The following CNTN4 variants were observed in gnomAD, a reference collection of about 807,000 sequenced individuals.
CNTN4 encodes contactin 4.
Under a neutral mutation model 122.5 loss-of-function variants are expected in CNTN4, and 77 were observed. That is an observed-to-expected ratio of 0.63 (90% CI 0.52 to 0.76). The LOEUF (loss-of-function observed/expected upper bound fraction) is 0.76, where lower values mean the gene tolerates loss of function less well. Ranked by LOEUF, CNTN4 falls within the 30% of genes least tolerant of loss-of-function variation. The pLI, the probability that CNTN4 is intolerant of heterozygous loss-of-function variation, is 0.00. For missense variants in CNTN4, 1,256 were observed against 1,259.1 expected, an observed-to-expected ratio of 1.00 and a Z score of 0.04; for synonymous variants, 512 against 447.0, an observed-to-expected ratio of 1.15 and a Z score of -1.83.
At chr3:2,760,095 A>T (rs1013484945) in intron 6 of CNTN4, among the ~76,000 whole-genome samples, 1 of 152,318 alleles carries the variant, frequency 6.6e-6, no homozygotes, top group South Asian at 2.1e-4. Flanking sequence ...TGTCAAATAT[A>T]CGATTTGTAA....
At chr3:2,688,903 AC>A (rs1263028358) in intron 4 of CNTN4, among the ~76,000 whole-genome samples, 2 of 151,966 alleles carry the variant, frequency 1.3e-5, no homozygotes, top group Non-Finnish European at 2.9e-5. Flanking sequence ...CAATCTAGGA[AC>A]CATTAAGCTA....
chr3:3,002,223 A>G (rs1696122562), intron 14 of CNTN4, among the ~76,000 whole-genome samples: 1 of 152,150 alleles, frequency 6.6e-6, no homozygotes, highest in Non-Finnish European at 1.5e-5. Flanking sequence ...TTGAATGACA[A>G]AATTTGTGCT....
At chr3:2,171,127 A>G (rs1181725213) in intron 2 of CNTN4, among the ~76,000 whole-genome samples, 1 of 152,214 alleles carries the variant, frequency 6.6e-6, no homozygotes, top group Non-Finnish European at 1.5e-5. Flanking sequence ...TATAAACACA[A>G]AGTCATATAT....
chr3:2,760,682 A>G (rs779061995), intron 6 of CNTN4, among the ~76,000 whole-genome samples: 4 of 152,204 alleles, frequency 2.6e-5, no homozygotes, highest in Non-Finnish European at 4.4e-5. Flanking sequence ...TATGGACTCT[A>G]TCCTACATTC....
intron 4 of CNTN4, among the ~76,000 whole-genome samples, chr3:2,735,291 G>GT: frequency 6.6e-6 from 1 of 152,218 alleles, no homozygotes; most frequent in East Asian, 1.9e-4. Context: ...ATGGGCGTAA[G>GT]CGGCGAGATG....
intron 4 of CNTN4, among the ~76,000 whole-genome samples, chr3:2,598,600 T>A (rs1262353889): frequency 6.6e-6 from 1 of 152,228 alleles, no homozygotes; most frequent in Non-Finnish European, 1.5e-5. Context: ...TACTCTTTCC[T>A]TGATTTTATG....
rs141005735 is a variant in CNTN4 at position 2,169,167 on chromosome 3, C to T, written c.-145+68528C>T. ...TTGTAGACCAGCTTCCTTATTATTACTCTTGTAAATATGATTGAATCGCAG... is the reference window on the plus strand; with the variant it reads ...TTGTAGACCAGCTTCCTTATTATTATTCTTGTAAATATGATTGAATCGCAG... On this transcript the variant is annotated intron_variant, in intron 2 of 24. Transcript: ENST00000418658. 3.1e-3 allele frequency among the ~76,000 whole-genome samples: 477 copies of T among 152,194 alleles called. 1 individual carries two copies. The highest frequency in any genetic ancestry group is 0.011 in the African/African-American group (453 of 41,544).
chr3:3,037,572 C>A, intron 18 of CNTN4: 1 of 512,454 alleles, frequency 2.0e-6, no homozygotes, highest in Non-Finnish European at 3.5e-6. Context: ...GGTGCTTAGT[C>A]CTCTCAAAAG....
chr3:2,641,093 C>A (rs1685979269), intron 4 of CNTN4, among the ~76,000 whole-genome samples: 1 of 152,012 alleles, frequency 6.6e-6, no homozygotes, highest in Non-Finnish European at 1.5e-5. Flanking sequence ...GTACTTAATA[C>A]CCTCAAAATT....
chr3:2,782,175 GGTATAAAGA>G (rs1403818462), intron 6 of CNTN4, among the ~76,000 whole-genome samples: 1 of 151,936 alleles, frequency 6.6e-6, no homozygotes, highest in East Asian at 1.9e-4. Flanking sequence ...ATGGCGGAGA[GGTATAAAGA>G]GTATAAAGAG....
chr3:2,995,256 G>A (rs933763700), intron 14 of CNTN4, among the ~76,000 whole-genome samples: 4 of 151,906 alleles, frequency 2.6e-5, no homozygotes, highest in Non-Finnish European at 5.9e-5. Flanking sequence ...CAAAGCGTGT[G>A]ACATAACCTG....
At chr3:2,113,636 G>A (rs2033127621) in intron 2 of CNTN4, among the ~76,000 whole-genome samples, 1 of 152,140 alleles carries the variant, frequency 6.6e-6, no homozygotes, top group African/African-American at 2.4e-5. Context: ...ACTATAGGAT[G>A]AAGGATAGGT....
Position 2,485,444 on chromosome 3 carries a change from C to G in CNTN4, c.-88-85972C>G, listed in dbSNP as rs145944266. ...GATTGTAAATACACCAAGCAGCACT[C>G]TGTGTCTAGCTCAAGGTTTGTAAAT... On this transcript the variant is annotated intron_variant, in intron 3 of 24. Transcript: ENST00000418658. Among the ~76,000 whole-genome samples the G allele has an allele frequency of 4.8e-3, 731 of 152,372 alleles. 3 individuals carry two copies. The highest frequency in any genetic ancestry group is 8.7e-3 in the Non-Finnish European group (589 of 68,034).
At chr3:2,350,125 A>G (rs759115783) in intron 3 of CNTN4, among the ~76,000 whole-genome samples, 11 of 152,302 alleles carry the variant, frequency 7.2e-5, no homozygotes, top group African/African-American at 2.6e-4. Context: ...GAAATAAAAG[A>G]TTAGAGATAA....
chr3:2,997,999 G>T (rs545043822), intron 14 of CNTN4, among the ~76,000 whole-genome samples: 2 of 152,240 alleles, frequency 1.3e-5, no homozygotes, highest in South Asian at 4.1e-4. Context: ...ATAAATGTAA[G>T]TAAAGCTTGG....
At chr3:2,676,872 T>C (rs1218686064) in intron 4 of CNTN4, among the ~76,000 whole-genome samples, 1 of 152,236 alleles carries the variant, frequency 6.6e-6, no homozygotes, top group Non-Finnish European at 1.5e-5. Context: ...ACTAACTGGA[T>C]GACATTCTTA....
intron 14 of CNTN4, among the ~76,000 whole-genome samples, chr3:2,992,809 C>G (rs1695170306): frequency 6.6e-6 from 1 of 152,132 alleles, no homozygotes; most frequent in African/African-American, 2.4e-5. Context: ...TGGTTCCAGA[C>G]TATACTTTGG....
intron 19 of CNTN4, chr3:3,039,318 A>G: frequency 3.5e-6 from 1 of 287,266 alleles, no homozygotes; most frequent in Non-Finnish European, 6.8e-6. Context: ...GAATTGCTGC[A>G]TGGCCAATTG....
intron 13 of CNTN4, among the ~76,000 whole-genome samples, chr3:2,986,983 G>A (rs1694639767): frequency 6.6e-6 from 1 of 152,156 alleles, no homozygotes; most frequent in Non-Finnish European, 1.5e-5. Flanking sequence ...AGTGGCTGCA[G>A]GAAAACAGGG....
Sources: gnomAD v4.1 joint callset for allele counts (sites outside exome capture counted in the v4.1 genomes callset) on GRCh38, gnomAD v4.1.1 for gene constraint, MANE v1.5 for transcripts, NCBI Gene and HGNC (gene_info 2026-07-23, HGNC 2026-07-21) for gene names.